Variants in SFMBT1 observed in about 807,000 individuals in gnomAD.
SFMBT1 encodes Scm like with four mbt domains 1, also known as scm-like with four MBT domains protein 1.
A neutral mutation model predicts 108.7 loss-of-function variants in SFMBT1; 32 were observed. The observed-to-expected ratio is 0.29, with a 90% CI of 0.22 to 0.40. The LOEUF is 0.40. Among genes scored for constraint, SFMBT1 ranks in the 10% least tolerant of loss-of-function variants. The pLI, the probability that SFMBT1 is intolerant of heterozygous loss-of-function variation, is 1.00. For missense variants in SFMBT1, 816 were observed against 1,059.6 expected (o/e 0.77, Z 3.19); for synonymous variants, 348 against 369.5 (o/e 0.94, Z 0.67).
At chr3:52,983,278 C>G (rs1431154577) in intron 1 of SFMBT1, among the ~76,000 whole-genome samples, 1 of 152,088 alleles carries the variant, frequency 6.6e-6, no homozygotes, top group East Asian at 1.9e-4. Context: ...ATTTTCTCTT[C>G]CTTATGATTT....
At chr3:52,928,627 C>CATATATATACAT (rs1248887807) in intron 8 of SFMBT1, 2 of 8,376 alleles carry the variant, frequency 2.4e-4, no homozygotes, top group African/African-American at 3.2e-4. Flanking sequence ...TACATATATA[C>CATATATATACAT]ATATATATAC....
At position 53,002,949 on chromosome 3, in the gene SFMBT1, C is replaced by T. The variant is rs567145296; in HGVS notation, c.-130-33691G>A. 5.4e-5 allele frequency among the ~76,000 whole-genome samples: 8 copies of T among 149,252 alleles called. No homozygotes were observed. The East Asian group carries it at 1.4e-3, about 26-fold the overall frequency. On this transcript the variant is annotated intron_variant, in intron 1 of 20. Transcript: ENST00000394752. ...AAGTCAGGAATTTGAGGGTAAAACC[C>T]TGTCACTACTCAAAATATAAAAATT...
rs895710935 is a variant in SFMBT1 at position 52,932,094 on chromosome 3, G to A, written c.668C>T (p.Ala223Val). 6.2e-7 allele frequency: 1 copy of A among 1,614,058 alleles called. No individual in the cohort carries two copies. The highest frequency in any genetic ancestry group is 1.1e-5 in the South Asian group (1 of 91,078). The change falls in exon 6 of 21, where the codon GCT becomes GTT. Residue 223 changes from alanine to valine, a missense_variant. Ala to Val is a moderately conservative substitution (Grantham distance 64). Transcript: ENST00000394752. ...GGGCTGAAGCTCATATCCCTGTTGA[G>A]CAGCCCAACCAACGTGATGAAGAAA... ...DPFLHHVGWA[A>V]QQGYELQPPS...
rs780876209 is a variant in SFMBT1 at position 53,001,920 on chromosome 3, G to GTCTCTC, written c.-130-32668_-130-32663dup. Among the ~76,000 whole-genome samples, 8 of 61,734 alleles carry GTCTCTC rather than the reference G, an allele frequency of 1.3e-4. 1 individual carries two copies. Among genetic ancestry groups the GTCTCTC allele is most frequent in the Admixed American group, 7.5e-4 (3 of 4,022 alleles). 40.5% of individuals were successfully genotyped at this position (61,734 alleles called of 152,430 possible). ...GGCCTGGGCAACAGAGCAAGACCCA[G>GTCTCTC]TCTCTCACACACACACACACACACA... On this transcript the variant is annotated intron_variant, in intron 1 of 20. Transcript: ENST00000394752.
At chr3:53,036,724 T>A (rs1699880905) in intron 1 of SFMBT1, among the ~76,000 whole-genome samples, 1 of 152,194 alleles carries the variant, frequency 6.6e-6, no homozygotes, top group African/African-American at 2.4e-5. Context: ...AGGGAAGGTC[T>A]TAAAAGGTTA....
intron 3 of SFMBT1, among the ~76,000 whole-genome samples, chr3:52,951,822 C>T (rs112902962): frequency 0.03 from 4,626 of 152,276 alleles, 274 homozygotes; most frequent in African/African-American, 0.1. Context: ...AACCCACAAC[C>T]TTCCAGCTTG....
intron 1 of SFMBT1, among the ~76,000 whole-genome samples, chr3:53,003,505 T>C (rs1035576614): frequency 1.3e-5 from 2 of 150,282 alleles, no homozygotes; most frequent in East Asian, 1.9e-4. Context: ...TTGATAATTG[T>C]GGGAACCAAG....
intron 1 of SFMBT1, among the ~76,000 whole-genome samples, chr3:53,019,594 T>C (rs1198448138): frequency 6.6e-6 from 1 of 152,178 alleles, no homozygotes; most frequent in African/African-American, 2.4e-5. Context: ...GTTGATGGCT[T>C]CCTCATCCTC....
intron 1 of SFMBT1, among the ~76,000 whole-genome samples, chr3:53,021,534 C>A (rs546785233): frequency 6.6e-5 from 10 of 152,284 alleles, no homozygotes; most frequent in Non-Finnish European, 1.2e-4. Context: ...CAGACATACT[C>A]CTGGCTCAAG....
At chr3:53,021,174 T>A (rs2106942791) in intron 1 of SFMBT1, among the ~76,000 whole-genome samples, 1 of 152,364 alleles carries the variant, frequency 6.6e-6, no homozygotes, top group African/African-American at 2.4e-5. Flanking sequence ...TTTTTTACAC[T>A]CAGTACATTT....
intron 1 of SFMBT1, among the ~76,000 whole-genome samples, chr3:52,985,411 C>T (rs1309145946): frequency 6.6e-6 from 1 of 152,160 alleles, no homozygotes; most frequent in African/African-American, 2.4e-5. Flanking sequence ...ATGTATGTGC[C>T]TGGCACTTTT....
At chr3:52,995,082 C>A (rs1257124349) in intron 1 of SFMBT1, among the ~76,000 whole-genome samples, 3 of 146,424 alleles carry the variant, frequency 2.0e-5, no homozygotes, top group African/African-American at 7.4e-5. Flanking sequence ...AGCCTGTACA[C>A]TGAAACTGGA....
intron 1 of SFMBT1, among the ~76,000 whole-genome samples, chr3:52,980,518 C>T (rs1359313657): frequency 6.6e-6 from 1 of 151,998 alleles, no homozygotes; most frequent in Non-Finnish European, 1.5e-5. Flanking sequence ...AGATGCTGGA[C>T]GTGCTTTCAA....
At chr3:52,973,607 T>C (rs1318263499) in intron 1 of SFMBT1, among the ~76,000 whole-genome samples, 1 of 152,168 alleles carries the variant, frequency 6.6e-6, no homozygotes, top group East Asian at 1.9e-4. Context: ...ACAACAAATA[T>C]GTTAGACAAA....
At chr3:52,968,560 T>C (rs1360001446) in intron 2 of SFMBT1, among the ~76,000 whole-genome samples, 1 of 152,078 alleles carries the variant, frequency 6.6e-6, no homozygotes, top group East Asian at 1.9e-4. Context: ...CATCAAAATT[T>C]TAATGCTATT....
chr3:52,962,053 G>A (rs1159941234), intron 2 of SFMBT1, among the ~76,000 whole-genome samples: 2 of 152,138 alleles, frequency 1.3e-5, no homozygotes, highest in African/African-American at 4.8e-5. Context: ...TTTGTTTTAA[G>A]AGAAATGCAA....
chr3:52,933,820 G>T (rs1166251411), intron 5 of SFMBT1, among the ~76,000 whole-genome samples: 1 of 151,956 alleles, frequency 6.6e-6, no homozygotes. Flanking sequence ...TTGACCTTGG[G>T]TTAAGCAAAG....
In SFMBT1 at chr3:52,998,343, G is replaced by C. The variant is rs187360661; in HGVS notation, c.-130-29085C>G. 1.3e-5 allele frequency among the ~76,000 whole-genome samples: 2 copies of C among 150,404 alleles called. 1 individual carries two copies. The highest frequency in any genetic ancestry group is 3.0e-5 in the Non-Finnish European group (2 of 67,084). The stretch of plus-strand genomic sequence containing the variant: ...GGAGGTGAAGCTTGCGGTGAGCCGA[G>C]ATCGCGCCACTGCACTCTAGCCTGG... On this transcript the variant is annotated intron_variant, in intron 1 of 20. Coordinates refer to ENST00000394752, the MANE Select transcript of SFMBT1 (RefSeq NM_016329.4).
intron 1 of SFMBT1, among the ~76,000 whole-genome samples, chr3:52,976,101 T>TC (rs1310004244): frequency 6.6e-6 from 1 of 151,840 alleles, no homozygotes; most frequent in South Asian, 2.1e-4. Flanking sequence ...CAAGGCAAGT[T>TC]CCTTCTATCA....
Sources: gnomAD v4.1 joint callset for allele counts (sites outside exome capture counted in the v4.1 genomes callset) on GRCh38, gnomAD v4.1.1 for gene constraint, MANE v1.5 for transcripts, NCBI Gene and HGNC (gene_info 2026-07-23, HGNC 2026-07-21) for gene names.